Variants in SHANK2 observed in about 807,000 individuals in gnomAD.
The protein encoded by SHANK2 is SH3 and multiple ankyrin repeat domains 2.
SHANK2 carries 43 observed loss-of-function variants against 133.7 expected under a neutral mutation model. The observed-to-expected ratio is 0.32, with a 90% CI of 0.25 to 0.41. The LOEUF is 0.41. Among genes scored for constraint, SHANK2 ranks in the 10% least tolerant of loss-of-function variants. SHANK2 has a pLI of 1.00. For synonymous variants in SHANK2, 1,017 were observed against 952.8 expected (o/e 1.07, Z -1.24); for missense variants, 1,994 against 2,235.8 (o/e 0.89, Z 2.18).
chr11:70,760,693 C>T (rs1946977800), intron 14 of SHANK2, among the ~76,000 whole-genome samples: 1 of 152,238 alleles, frequency 6.6e-6, no homozygotes, highest in African/African-American at 2.4e-5. Context: ...GGGAAGGCCC[C>T]ATGGTGGCTG....
At chr11:70,734,349 G>T (rs1387630617) in intron 14 of SHANK2, among the ~76,000 whole-genome samples, 16 of 152,216 alleles carry the variant, frequency 1.1e-4, no homozygotes, top group African/African-American at 3.6e-4. Context: ...GAGTGAAGGT[G>T]TGTGAAGGTG....
At chr11:70,707,390 A>AG (rs1555025163) in intron 14 of SHANK2, among the ~76,000 whole-genome samples, 1 of 150,676 alleles carries the variant, frequency 6.6e-6, no homozygotes, top group Non-Finnish European at 1.5e-5. Flanking sequence ...AAAAAAAAAA[A>AG]AAAAAAAGAG....
At chr11:70,849,277 C>T (rs955131951) in intron 11 of SHANK2, among the ~76,000 whole-genome samples, 2 of 152,158 alleles carry the variant, frequency 1.3e-5, no homozygotes, top group Non-Finnish European at 2.9e-5. Flanking sequence ...GAGACCCCAT[C>T]TCAATATATT....
chr11:70,656,471 C>T (rs560956131), intron 17 of SHANK2, among the ~76,000 whole-genome samples: 30 of 152,120 alleles, frequency 2.0e-4, no homozygotes, highest in Non-Finnish European at 3.8e-4. Flanking sequence ...GGGCATTCTC[C>T]GCAGGGGCAT....
At chr11:70,631,380 A>ACACG (rs1474788910) in intron 17 of SHANK2, 1 of 145,082 alleles carries the variant, frequency 6.9e-6, no homozygotes, top group East Asian at 2.0e-4. Flanking sequence ...GGAGTTACAC[A>ACACG]CACACACACA....
chr11:70,525,330 C>G (rs898106168), intron 17 of SHANK2, among the ~76,000 whole-genome samples: 7 of 152,214 alleles, frequency 4.6e-5, no homozygotes, highest in Non-Finnish European at 8.8e-5. Flanking sequence ...TACCAGTCCC[C>G]AGGCTCACCC....
At chr11:70,662,038 A>C in intron 15 of SHANK2, 1 of 519,620 alleles carries the variant, frequency 1.9e-6, no homozygotes, top group Non-Finnish European at 3.5e-6. Flanking sequence ...AGTGGCCCGA[A>C]CGGCGGCGGC....
rs1555149405 is a variant in SHANK2 at position 70,473,693 on chromosome 11, ACCTGCCTGTGCTGGGGGG to A, written c.4980-272_4980-255del. The A allele has an allele frequency of 1.8e-6, 1 of 542,232 alleles. No homozygotes were observed. The highest frequency in any genetic ancestry group is 3.6e-5 in the East Asian group (1 of 27,416). The allele number at this position is 542,232 out of a possible 1,614,324, so 33.6% of individuals were successfully genotyped here. ...TGAACTGGGACAGAGGGGCTGGGGG[ACCTGCCTGTGCTGGGGGG>A]AGCACACCACGTCAGCCCACTCACC... is the stretch of plus-strand genomic sequence containing the variant. On this transcript the variant is annotated intron_variant, in intron 25 of 25. Transcript: ENST00000601538. The surrounding 1 kb of genome is among the most constrained non-coding windows in gnomAD (Gnocchi z 5.9).
intron 14 of SHANK2, among the ~76,000 whole-genome samples, chr11:70,797,646 T>C (rs929994701): frequency 1.9e-4 from 29 of 152,204 alleles, no homozygotes; most frequent in Admixed American, 1.9e-3. Context: ...AATGGGCCCG[T>C]TTGGACAGAG....
chr11:70,485,292 T>C lies in SHANK2; in HGVS notation c.4979+22A>G. 6.3e-7 allele frequency: 1 copy of C among 1,599,314 alleles called. No homozygotes were observed. Among genetic ancestry groups the C allele is most frequent in the Non-Finnish European group, 8.6e-7 (1 of 1,167,760 alleles). On this transcript the variant is annotated intron_variant, in intron 25 of 25. Coordinates refer to ENST00000601538, the MANE Select transcript of SHANK2 (RefSeq NM_012309.5). This position sits in a 1 kb window ranked among gnomAD's most constrained non-coding sequence, Gnocchi z 5.8. ...GACAGTGCACGCAGAGCGGTGTGCA[T>C]GTGCACCAACCGCGGACTTACCTTG...
At chr11:70,850,553 C>G (rs1949070041) in intron 11 of SHANK2, among the ~76,000 whole-genome samples, 1 of 152,184 alleles carries the variant, frequency 6.6e-6, no homozygotes. Flanking sequence ...TCCTCAGCCT[C>G]CCCTCTGCCA....
chr11:71,132,076 C>T (rs1445127020), intron 3 of SHANK2, among the ~76,000 whole-genome samples: 32 of 152,304 alleles, frequency 2.1e-4, no homozygotes, highest in Admixed American at 1.6e-3. Context: ...GGATTAGCGA[C>T]GAGGCCACAG....
intron 14 of SHANK2, among the ~76,000 whole-genome samples, chr11:70,716,896 C>CG (rs1491118182): frequency 1.4e-4 from 4 of 29,202 alleles, no homozygotes; most frequent in South Asian, 8.0e-4. Flanking sequence ...GGTCCCGGAG[C>CG]CCCCCCCCCG....
intron 2 of SHANK2, among the ~76,000 whole-genome samples, chr11:71,202,071 G>A (rs1237208560): frequency 2.0e-5 from 3 of 152,214 alleles, no homozygotes; most frequent in Non-Finnish European, 2.9e-5. Context: ...CATGGCTCAC[G>A]GGTACACAGT....
chr11:70,795,779 G>A (rs563562709), intron 14 of SHANK2, among the ~76,000 whole-genome samples: 2 of 152,296 alleles, frequency 1.3e-5, no homozygotes, highest in Admixed American at 1.3e-4. Context: ...ATGGAAGAAG[G>A]ACCCTACCAA....
At chr11:70,632,327 G>A (rs1298780643) in intron 17 of SHANK2, among the ~76,000 whole-genome samples, 13 of 151,758 alleles carry the variant, frequency 8.6e-5, no homozygotes, top group East Asian at 1.9e-4. Flanking sequence ...GGGTTTTACC[G>A]TGTTAGCCAG....
At chr11:70,680,206 G>A (rs1944997578) in intron 15 of SHANK2, among the ~76,000 whole-genome samples, 1 of 152,206 alleles carries the variant, frequency 6.6e-6, no homozygotes, top group Admixed American at 6.5e-5. Context: ...CTCTGTCAGA[G>A]CGGGTTCTCA....
At chr11:70,927,763 C>G (rs1950448960) in intron 10 of SHANK2, among the ~76,000 whole-genome samples, 1 of 152,096 alleles carries the variant, frequency 6.6e-6, no homozygotes, top group South Asian at 2.1e-4. Context: ...GGAGAATGTT[C>G]CTGGATCAGC....
chr11:70,775,397 A>G (rs1947340676), intron 14 of SHANK2, among the ~76,000 whole-genome samples: 2 of 152,186 alleles, frequency 1.3e-5, no homozygotes, highest in African/African-American at 4.8e-5. Context: ...CGGAGGTTGC[A>G]GTGAGCCAAG....
Sources: gnomAD v4.1 joint callset for allele counts (sites outside exome capture counted in the v4.1 genomes callset) on GRCh38, gnomAD v4.1.1 for gene constraint, Gnocchi (gnomAD v3.1) non-coding constraint, MANE v1.5 for transcripts, NCBI Gene and HGNC (gene_info 2026-07-23, HGNC 2026-07-21) for gene names.